The following NRXN2 variants were observed in gnomAD, a reference collection of about 807,000 sequenced individuals.
NRXN2 encodes the protein neurexin 2.
A neutral mutation model predicts 128.8 loss-of-function variants in NRXN2; 29 were observed. The ratio of observed to expected loss-of-function variants is 0.23; its 90% CI spans 0.17 to 0.31. The LOEUF (loss-of-function observed/expected upper bound fraction) is 0.31. Among genes scored for constraint, NRXN2 ranks in the 10% least tolerant of loss-of-function variants. The pLI is 1.00. For missense variants in NRXN2, 1,881 were observed against 2,452.6 expected (o/e 0.77, Z 4.92); for synonymous variants, 1,098 against 1,075.2 (o/e 1.02, Z -0.41).
intron 7 of NRXN2, 138 bp downstream of exon 7, chr11:64,676,855 T>C: frequency 1.4e-6 from 1 of 698,116 alleles, no homozygotes; most frequent in Non-Finnish European, 2.6e-6. Flanking sequence ...ATCTAAAGAT[T>C]GTCCAGGACG....
At chr11:64,701,690 G>A (rs923470714) in intron 2 of NRXN2, among the ~76,000 whole-genome samples, 7 of 152,210 alleles carry the variant, frequency 4.6e-5, no homozygotes, top group African/African-American at 1.7e-4. Context: ...AGTGAGCCAT[G>A]ATGACACCAC....
At position 64,713,087 on chromosome 11, in the gene NRXN2, G is replaced by T; in HGVS notation, c.613C>A (p.Leu205Met). The T allele has an allele frequency of 7.7e-7, 1 of 1,306,676 alleles. No individual in the cohort carries two copies. The allele number at this position is 1,306,676 out of a possible 1,614,324, so 80.9% of individuals were successfully genotyped here. A position where few individuals can be genotyped will look rare whatever the true frequency, so the allele number is the denominator to read the frequency against. ...QGLRGATADP[L>M]CAPARNPCAN... ...CAGGGGTTGCGCGCGGGCGCGCACA[G>T]CGGGTCGGCGGTGGCGCCGCGCAGG... Residue 205 changes from leucine (L) to methionine (M), a missense_variant, in exon 2 of 23, where the codon CTG (leucine) becomes ATG (methionine). Physicochemically the swap from Leu to Met is conservative, Grantham distance 15. This residue lies in a region of NRXN2 where 997 missense variants were observed against 1,240.8 expected (regional missense o/e 0.80). Transcript: ENST00000265459.
At chr11:64,677,522 C>T (rs980963352) in intron 6 of NRXN2, among the ~76,000 whole-genome samples, 3 of 152,196 alleles carry the variant, frequency 2.0e-5, no homozygotes, top group Non-Finnish European at 4.4e-5. Flanking sequence ...TCATACCTTG[C>T]CCCACCTGTC....
chr11:64,668,427 C>G lies in NRXN2; in HGVS notation c.1359+16G>C, dbSNP rs765821618. 13 of 1,612,898 alleles carry G rather than the reference C, an allele frequency of 8.1e-6. No individual in the cohort carries two copies. In the Admixed American group the frequency reaches 1.7e-4, roughly 21 times the overall value. On this transcript the variant is annotated intron_variant, in intron 8 of 22. Coordinates refer to ENST00000265459, the MANE Select transcript of NRXN2 (RefSeq NM_015080.4). ...GGCTCCTGAACAGCCTGCAGCCCCT[C>G]CCTAGCCCTACTCACGTCCTTGAGG...
Position 64,713,674 on chromosome 11 carries a change from G to A in NRXN2, c.26C>T (p.Pro9Leu), listed in dbSNP as rs908791840. MASGSRWRPTPPPLLLLLL... is the reference protein window; with the variant it reads MASGSRWRLTPPPLLLLLL... ...CAGCAACAGCAGCGGCGGCGGTGTC[G>A]GCCGCCACCGGCTCCCGGACGCCAT... The change falls in exon 2 of 23, where the codon CCG becomes CTG. Residue 9 changes from proline to leucine, a missense_variant. Pro to Leu is a moderately conservative substitution (Grantham distance 98). Around this residue, in one of 7 missense-constraint regions of NRXN2, gnomAD observed 997 missense variants for 1,240.8 expected, o/e 0.80. Transcript: ENST00000265459. 3.5e-6 allele frequency: 4 copies of A among 1,154,702 alleles called. No individual in the cohort carries two copies. In the Admixed American group the frequency reaches 1.9e-4, roughly 54 times the overall value. 71.5% of individuals were successfully genotyped at this position (1,154,702 alleles called of 1,614,324 possible).
intron 2 of NRXN2, among the ~76,000 whole-genome samples, chr11:64,701,938 G>A (rs1343245585): frequency 5.6e-5 from 8 of 143,118 alleles, no homozygotes; most frequent in Middle Eastern, 3.7e-3. Flanking sequence ...CAGCCGCCCC[G>A]TCCAGGAGGG....
In NRXN2 at chr11:64,707,260, G is replaced by A. The variant is rs1026403542; in HGVS notation, c.730+5710C>T. ...ACATTAGCCAGGTGTGGTGGCGGGCGCCTGTAGTCCCAGCTACTCAGGAGG... is the reference window on the plus strand; with the variant it reads ...ACATTAGCCAGGTGTGGTGGCGGGCACCTGTAGTCCCAGCTACTCAGGAGG... On this transcript the variant is annotated intron_variant, in intron 2 of 22. Coordinates refer to ENST00000265459, the MANE Select transcript of NRXN2 (RefSeq NM_015080.4). 4.0e-5 allele frequency among the ~76,000 whole-genome samples: 6 copies of A among 151,834 alleles called. No homozygotes were observed. In the East Asian group the frequency reaches 5.8e-4, roughly 15 times the overall value.
intron 4 of NRXN2, among the ~76,000 whole-genome samples, chr11:64,692,058 C>T (rs914120069): frequency 6.6e-6 from 1 of 152,160 alleles, no homozygotes; most frequent in Admixed American, 6.5e-5. Context: ...AGTTCTGTCT[C>T]CAGGTTTGCT....
intron 17 of NRXN2, among the ~76,000 whole-genome samples, chr11:64,638,210 G>A (rs968581178): frequency 1.3e-5 from 2 of 152,224 alleles, no homozygotes; most frequent in African/African-American, 4.8e-5. Context: ...TCACCCAGCC[G>A]TTCTCACACT....
chr11:64,700,435 G>A (rs902749028), intron 2 of NRXN2, among the ~76,000 whole-genome samples: 1 of 152,152 alleles, frequency 6.6e-6, no homozygotes, highest in African/African-American at 2.4e-5. Flanking sequence ...GCCCTCATAG[G>A]TTCCAGAGAT....
chr11:64,700,832 G>C (rs1466575747), intron 2 of NRXN2, among the ~76,000 whole-genome samples: 1 of 152,128 alleles, frequency 6.6e-6, no homozygotes, highest in Non-Finnish European at 1.5e-5. Context: ...CGCTGTCTCT[G>C]AGTGTCTCAT....
At chr11:64,637,826 C>A (rs1345683487) in intron 17 of NRXN2, among the ~76,000 whole-genome samples, 2 of 152,156 alleles carry the variant, frequency 1.3e-5, no homozygotes, top group African/African-American at 4.8e-5. Context: ...AGATTCCAGA[C>A]AGCAAGCACA....
rs761519036 is a variant in NRXN2, at chr11:64,623,229, G to A, written c.3848-151C>T. On this transcript the variant is annotated intron_variant, in intron 20 of 22. Coordinates refer to ENST00000265459, the MANE Select transcript of NRXN2 (RefSeq NM_015080.4). This position sits in a 1 kb window ranked among gnomAD's most constrained non-coding sequence, Gnocchi z 4.9. ...AGGGGACGGGGAGAAATGAGGAAGGGGCAGAAAGCCAAAGGGAAAGTCCTT... is the reference window on the plus strand; with the variant it reads ...AGGGGACGGGGAGAAATGAGGAAGGAGCAGAAAGCCAAAGGGAAAGTCCTT... 20 of 1,304,746 alleles carry A rather than the reference G, an allele frequency of 1.5e-5. No individual in the cohort carries two copies. Among genetic ancestry groups the A allele is most frequent in the South Asian group, 9.2e-5 (6 of 65,228 alleles). 80.8% of individuals were successfully genotyped at this position (1,304,746 alleles called of 1,614,324 possible).
chr11:64,659,259 C>G (rs1444241075), intron 11 of NRXN2: 1 of 152,300 alleles, frequency 6.6e-6, no homozygotes, highest in African/African-American at 2.4e-5. Context: ...GGTTCCCCTG[C>G]TCTGAAAGCT....
intron 2 of NRXN2, among the ~76,000 whole-genome samples, chr11:64,704,658 A>AGAGAGG (rs2056017454): frequency 6.6e-6 from 1 of 150,938 alleles, no homozygotes; most frequent in Non-Finnish European, 1.5e-5. Flanking sequence ...AGAGAGAGAG[A>AGAGAGG]GAGAGAGAGA....
rs765926131 is a variant in NRXN2 at position 64,650,469 on chromosome 11, C to A, written c.3088G>T (p.Ala1030Ser). The change falls in exon 15 of 23, where the codon GCC becomes TCC. Residue 1030 changes from alanine to serine, a missense_variant. Ala to Ser is a moderately conservative substitution (Grantham distance 99). Coordinates refer to ENST00000265459, the MANE Select transcript of NRXN2 (RefSeq NM_015080.4). Reference protein sequence around the residue: ...SRTVTQHSNGARNLDLKGELY... With the variant: ...SRTVTQHSNGSRNLDLKGELY... The stretch of plus-strand genomic sequence containing the variant: ...CCACCTTTGAGATCGAGGTTTCGGG[C>A]GCCATTGGAGTGCTGCGTGACAGTG... 4.3e-6 allele frequency: 7 copies of A among 1,614,136 alleles called. No individual in the cohort carries two copies. Among genetic ancestry groups the A allele is most frequent in the Non-Finnish European group, 5.1e-6 (6 of 1,180,030 alleles).
chr11:64,704,623 C>CAGAGAGAGAGAGAGAGAGAGAG (rs61394963), intron 2 of NRXN2, among the ~76,000 whole-genome samples: 5 of 81,204 alleles, frequency 6.2e-5, no homozygotes, highest in East Asian at 3.6e-4. Context: ...CACACACACA[C>CAGAGAGAGAGAGAGAGAGAGAG]AGAGAGAGAG....
chr11:64,610,076 C>A lies in NRXN2; in HGVS notation c.4253-1994G>T, dbSNP rs547184664. Among the ~76,000 whole-genome samples the A allele has an allele frequency of 3.3e-5, 5 of 152,232 alleles. No homozygotes were observed. The East Asian group carries it at 5.8e-4, about 18-fold the overall frequency. On this transcript the variant is annotated intron_variant, in intron 22 of 22. Coordinates refer to ENST00000265459, the MANE Select transcript of NRXN2 (RefSeq NM_015080.4). ...CCAACCTTCAGATCACAAGCTCCAG[C>A]AATGTTACAGAGCTGTCCTTGGCCA...
At chr11:64,653,665 G>A (rs771481833) in intron 12 of NRXN2, 31 bp downstream of exon 12, 2 of 1,586,632 alleles carry the variant, frequency 1.3e-6, no homozygotes, top group East Asian at 2.3e-5. Context: ...GTCCCCTTGG[G>A]TCTCTGCAGA....
Sources: gnomAD v4.1 joint callset for allele counts (sites outside exome capture counted in the v4.1 genomes callset) on GRCh38, gnomAD v4.1.1 for gene constraint, gnomAD v4.1.1 regional missense constraint, Gnocchi (gnomAD v3.1) non-coding constraint, MANE v1.5 for transcripts, NCBI Gene and HGNC (gene_info 2026-07-23, HGNC 2026-07-21) for gene names.